The following FN1 variants were observed in gnomAD, a reference collection of about 807,000 sequenced individuals.
The protein encoded by FN1 is fibronectin 1.
FN1 carries 106 observed loss-of-function variants against 297.3 expected under a neutral mutation model. The ratio of observed to expected loss-of-function variants is 0.36; its 90% CI spans 0.30 to 0.42. The LOEUF (loss-of-function observed/expected upper bound fraction) is 0.42, where lower values mean the gene tolerates loss of function less well. Ranked by LOEUF, FN1 falls within the 10% of genes least tolerant of loss-of-function variation. The pLI is 1.00. For synonymous variants in FN1, 1,149 were observed against 1,152.6 expected, an observed-to-expected ratio of 1.00 and a Z score of 0.06; for missense variants, 2,690 against 3,124.9, an observed-to-expected ratio of 0.86 and a Z score of 3.32.
intron 32 of FN1, chr2:215,381,394 A>G (rs1283261014): frequency 1.5e-5 from 6 of 408,838 alleles, no homozygotes; most frequent in Non-Finnish European, 2.7e-5. Context: ...ATGTGATGTT[A>G]GTCTCATAGA....
Position 215,394,577 on chromosome 2 carries a change from A to T in FN1, c.3747T>A (p.Thr1249=). The part of the protein sequence containing the change: ...PGLEYNVSVY[T]VKDDKESVPI... The stretch of plus-strand genomic sequence containing the variant: ...GGACACTTTCCTTGTCATCCTTGAC[A>T]GTGTAAACACTGACATTGTACTCCA... The change falls in exon 24 of 46, where the codon ACT becomes ACA. Residue 1249 remains threonine, a synonymous_variant. Transcript: ENST00000354785. 6.2e-7 allele frequency: 1 copy of T among 1,614,190 alleles called. No homozygotes were observed. Among genetic ancestry groups the T allele is most frequent in the Non-Finnish European group, 8.5e-7 (1 of 1,180,014 alleles).
intron 12 of FN1, among the ~76,000 whole-genome samples, chr2:215,418,092 T>C (rs907829639): frequency 8.5e-5 from 13 of 152,220 alleles, no homozygotes; most frequent in Non-Finnish European, 1.5e-4. Flanking sequence ...AATTAAGTGA[T>C]TCCTACACCT....
chr2:215,399,873 T>C (rs1176637835), intron 20 of FN1, among the ~76,000 whole-genome samples: 3 of 152,084 alleles, frequency 2.0e-5, no homozygotes, highest in Non-Finnish European at 4.4e-5. Flanking sequence ...AATGGTAAAT[T>C]ATAGAAGGTG....
At chr2:215,405,927 C>T (rs530012338) in intron 19 of FN1, among the ~76,000 whole-genome samples, 1 of 152,214 alleles carries the variant, frequency 6.6e-6, no homozygotes, top group South Asian at 2.1e-4. Flanking sequence ...TGCATTTTAA[C>T]TTTGATCTAG....
chr2:215,423,229 A>T, intron 9 of FN1, 121 bp downstream of exon 9: 1 of 928,210 alleles, frequency 1.1e-6, no homozygotes, highest in Non-Finnish European at 1.7e-6. Context: ...CTTCACATGA[A>T]GTTTTCTGTT....
intron 33 of FN1, 48 bp from the exon 34 acceptor site, chr2:215,379,365 A>G: frequency 1.9e-6 from 3 of 1,549,296 alleles, no homozygotes; most frequent in Non-Finnish European, 2.7e-6. Flanking sequence ...GAAATGGGGG[A>G]AAAGGAAAAT....
At chr2:215,398,605 T>G (rs954237809) in intron 21 of FN1, among the ~76,000 whole-genome samples, 1 of 152,228 alleles carries the variant, frequency 6.6e-6, no homozygotes, top group Non-Finnish European at 1.5e-5. Flanking sequence ...TGGTGTATTT[T>G]TTTAAACGAT....
At position 215,404,418 on chromosome 2, in the gene FN1, C is replaced by T; in HGVS notation, c.3224G>A (p.Ser1075Asn). The change falls in exon 20 of 46, where the codon AGC becomes AAC. Residue 1075 changes from serine (S) to asparagine (N), a missense_variant. Transcript: ENST00000354785. ...GGTAAAGACTCCAGTGGCTTTGGGG[C>T]TCTCTTGGTTGCCCTTTATGGCCAC... ...SLVAIKGNQE[S>N]PKATGVFTTL... 1 of 1,613,962 alleles carries T rather than the reference C, an allele frequency of 6.2e-7. No homozygotes were observed.
chr2:215,411,843 A>G (rs1250842165), intron 13 of FN1, among the ~76,000 whole-genome samples: 1 of 151,626 alleles, frequency 6.6e-6, no homozygotes, highest in African/African-American at 2.4e-5. Context: ...ATTTTTTTGT[A>G]TTTTTAATAG....
chr2:215,424,346 G>C lies in FN1; in HGVS notation c.1037-21C>G, dbSNP rs116502500. ...TACAGCTACAATCATAATCAAAAGA[G>C]TGTCAGTAAACAGAGATGCTTTATC... On this transcript the variant is annotated intron_variant, in intron 7 of 45. Transcript: ENST00000354785. 1.8e-3 allele frequency: 2,822 copies of C among 1,606,884 alleles called. 33 individuals carry two copies. In the African/African-American group the frequency reaches 0.028, roughly 16 times the overall value.
intron 24 of FN1, among the ~76,000 whole-genome samples, chr2:215,394,213 G>C (rs2060038610): frequency 6.6e-6 from 1 of 152,216 alleles, no homozygotes; most frequent in Admixed American, 6.5e-5. Flanking sequence ...TCAGTACTGA[G>C]TACAGACACG....
chr2:215,424,953 A>G (rs1034586694), intron 7 of FN1, 141 bp downstream of exon 7: 4 of 795,524 alleles, frequency 5.0e-6, no homozygotes, highest in Non-Finnish European at 8.5e-6. Context: ...ACTATTTCAA[A>G]TGCCAACCCT....
chr2:215,365,275 G>T (rs1400580234), intron 43 of FN1, among the ~76,000 whole-genome samples: 3 of 152,110 alleles, frequency 2.0e-5, no homozygotes, highest in African/African-American at 7.2e-5. Flanking sequence ...TGCAGATAAT[G>T]GTCAAAATAC....
At chr2:215,374,342 A>T (rs188281692) in intron 38 of FN1, among the ~76,000 whole-genome samples, 1 of 152,200 alleles carries the variant, frequency 6.6e-6, no homozygotes, top group African/African-American at 2.4e-5. Context: ...GTGATACTCT[A>T]TACAGACTGA....
At chr2:215,378,314 A>T in intron 34 of FN1, 52 bp from the exon 35 acceptor site, 2 of 963,288 alleles carry the variant, frequency 2.1e-6, no homozygotes, top group Non-Finnish European at 3.4e-6. Context: ...ACTGAAACCC[A>T]AGGAGTTTCA....
chr2:215,382,747 A>G (rs1462456998), intron 31 of FN1, among the ~76,000 whole-genome samples: 1 of 152,216 alleles, frequency 6.6e-6, no homozygotes, highest in African/African-American at 2.4e-5. Context: ...AAACAAAACC[A>G]GAAGGGTGAA....
chr2:215,370,547 C>CAAAAA, intron 40 of FN1, 115 bp from the exon 41 acceptor site: 1 of 295,912 alleles, frequency 3.4e-6, no homozygotes, highest in Non-Finnish European at 5.5e-6. Context: ...AGACAAAAAA[C>CAAAAA]AAAAAACAAA....
At chr2:215,429,458 C>A (rs2066078585) in intron 5 of FN1, among the ~76,000 whole-genome samples, 1 of 152,116 alleles carries the variant, frequency 6.6e-6, no homozygotes, top group Non-Finnish European at 1.5e-5. Context: ...GATATTGTTG[C>A]AACTCCTGGG....
intron 20 of FN1, among the ~76,000 whole-genome samples, chr2:215,403,791 C>T (rs779270268): frequency 4.6e-5 from 7 of 152,126 alleles, no homozygotes; most frequent in Non-Finnish European, 8.8e-5. Flanking sequence ...AGAGCGATTC[C>T]GTCTGCAAAA....
Sources: gnomAD v4.1 joint callset for allele counts (sites outside exome capture counted in the v4.1 genomes callset) on GRCh38, gnomAD v4.1.1 for gene constraint, MANE v1.5 for transcripts, NCBI Gene and HGNC (gene_info 2026-07-23, HGNC 2026-07-21) for gene names.